The following ARHGEF26 variants were observed in gnomAD, a reference collection of about 807,000 sequenced individuals.
ARHGEF26 encodes Rho guanine nucleotide exchange factor (GEF) 26.
Under a neutral mutation model 89.4 loss-of-function variants are expected in ARHGEF26, and 59 were observed. That is an observed-to-expected ratio of 0.66 (90% CI 0.54 to 0.82). The LOEUF (loss-of-function observed/expected upper bound fraction) is 0.82. Ranked by LOEUF, ARHGEF26 falls within the 40% of genes least tolerant of loss-of-function variation. The pLI is 0.00. For synonymous variants in ARHGEF26, 500 were observed against 428.4 expected (o/e 1.17, Z -2.06); for missense variants, 1,234 against 1,085.6 (o/e 1.14, Z -1.92).
At chr3:154,227,081 C>G (rs1284129317) in intron 11 of ARHGEF26, among the ~76,000 whole-genome samples, 1 of 151,956 alleles carries the variant, frequency 6.6e-6, no homozygotes, top group East Asian at 1.9e-4. Flanking sequence ...TTAATCAGAC[C>G]ATATTATGAA....
intron 11 of ARHGEF26, among the ~76,000 whole-genome samples, chr3:154,239,293 A>G (rs538786305): frequency 1.7e-5 from 1 of 58,974 alleles, no homozygotes; most frequent in East Asian, 4.4e-4. Flanking sequence ...AGAGAGAGAG[A>G]GAGAGAGTGT....
At chr3:154,225,700 C>CT in intron 10 of ARHGEF26, 156 bp from the exon 11 acceptor site, 1 of 656,066 alleles carries the variant, frequency 1.5e-6, no homozygotes, top group Non-Finnish European at 2.3e-6. Flanking sequence ...ATGCACTGTA[C>CT]TTCTGTATTT....
At chr3:154,193,799 C>A (rs908144544) in intron 8 of ARHGEF26, among the ~76,000 whole-genome samples, 9 of 151,974 alleles carry the variant, frequency 5.9e-5, no homozygotes, top group African/African-American at 2.2e-4. Context: ...AATATATCAA[C>A]AGAAAACCTA....
intron 6 of ARHGEF26, among the ~76,000 whole-genome samples, chr3:154,186,170 T>C (rs199862077): frequency 1.3e-3 from 76 of 59,958 alleles, no homozygotes; most frequent in Middle Eastern, 0.01. Flanking sequence ...CACACACCCC[T>C]ATACACATAC....
rs147348013 is a variant in ARHGEF26, at chr3:154,232,951, C to T, written c.2090+6941C>T. ...CAAGCGATTCTCCTGCCTCAGCCTC[C>T]GGAGTAGCTGGGACTACAGGTGCTT... On this transcript the variant is annotated intron_variant, in intron 11 of 14. Transcript: ENST00000465093. 4.1e-3 allele frequency among the ~76,000 whole-genome samples: 616 copies of T among 152,066 alleles called. 3 individuals are homozygous for T. The highest frequency in any genetic ancestry group is 0.014 in the African/African-American group (579 of 41,470).
chr3:154,224,302 A>G (rs116639973), intron 10 of ARHGEF26, among the ~76,000 whole-genome samples: 3,323 of 152,346 alleles, frequency 0.022, 74 homozygotes, highest in South Asian at 0.069. Flanking sequence ...AGAAGCATAG[A>G]TGTATTGAAA....
chr3:154,143,067 C>T (rs1057000823), intron 4 of ARHGEF26, among the ~76,000 whole-genome samples: 2 of 152,102 alleles, frequency 1.3e-5, no homozygotes, highest in African/African-American at 4.8e-5. Context: ...CTGCCCTACT[C>T]GTTTTGTTTC....
At chr3:154,191,926 C>A (rs1713981592) in intron 8 of ARHGEF26, among the ~76,000 whole-genome samples, 1 of 152,308 alleles carries the variant, frequency 6.6e-6, no homozygotes, top group Non-Finnish European at 1.5e-5. Flanking sequence ...GAGGAAAGCC[C>A]AGCTTCCTTC....
At chr3:154,218,480 A>G (rs1166186254) in intron 10 of ARHGEF26, among the ~76,000 whole-genome samples, 1 of 152,216 alleles carries the variant, frequency 6.6e-6, no homozygotes, top group Non-Finnish European at 1.5e-5. Flanking sequence ...TGAGCAGATG[A>G]CAAGATGAAC....
At chr3:154,243,625 T>C (rs545419673) in intron 12 of ARHGEF26, among the ~76,000 whole-genome samples, 1 of 152,320 alleles carries the variant, frequency 6.6e-6, no homozygotes, top group South Asian at 2.1e-4. Flanking sequence ...TGGAAACCCA[T>C]AGGTCTGACT....
intron 4 of ARHGEF26, among the ~76,000 whole-genome samples, chr3:154,137,642 A>T (rs909991517): frequency 2.0e-5 from 3 of 152,064 alleles, no homozygotes; most frequent in African/African-American, 7.2e-5. Flanking sequence ...AACTTGACTT[A>T]TGTAAGCAAT....
chr3:154,144,972 G>T (rs929258125), intron 4 of ARHGEF26, among the ~76,000 whole-genome samples: 1 of 152,062 alleles, frequency 6.6e-6, no homozygotes, highest in South Asian at 2.1e-4. Flanking sequence ...CTCTCTCTCT[G>T]TTTACCCACC....
rs141529503 is a variant in ARHGEF26 at position 154,136,502 on chromosome 3, TA to T, written c.1269+6784del. The stretch of plus-strand genomic sequence containing the variant: ...AAGATTTGAAAAGCAGGAATTTTAT[TA>T]TAAATATCATTTCATTCCATTGAAA... On this transcript the variant is annotated intron_variant, in intron 4 of 14. Transcript: ENST00000465093. Among the ~76,000 whole-genome samples, 118 of 152,248 alleles carry T rather than the reference TA, an allele frequency of 7.8e-4. 1 individual carries two copies. The highest frequency in any genetic ancestry group is 2.7e-3 in the African/African-American group (111 of 41,564).
intron 6 of ARHGEF26, among the ~76,000 whole-genome samples, chr3:154,175,992 G>T (rs541197015): frequency 1.3e-5 from 2 of 152,324 alleles, no homozygotes; most frequent in Non-Finnish European, 2.9e-5. Flanking sequence ...AGGGCATTTT[G>T]GGGCTCTGAC....
In ARHGEF26 at chr3:154,207,636, A is replaced by G. The variant is rs112509738; in HGVS notation, c.1846-10233A>G. Among the ~76,000 whole-genome samples, 251 of 152,360 alleles carry G rather than the reference A, an allele frequency of 1.6e-3. 1 individual carries two copies. The highest frequency in any genetic ancestry group is 5.4e-3 in the African/African-American group (226 of 41,596). On this transcript the variant is annotated intron_variant, in intron 9 of 14. Transcript: ENST00000465093. The stretch of plus-strand genomic sequence containing the variant: ...GTTGTGGAGAAAAAGGAATGCTTTT[A>G]CACTATTGGTGGGAGTGTATATTAG...
intron 6 of ARHGEF26, among the ~76,000 whole-genome samples, chr3:154,155,392 G>T (rs141637474): frequency 2.0e-5 from 3 of 152,106 alleles, no homozygotes; most frequent in Admixed American, 2.0e-4. Flanking sequence ...TAACATGTAA[G>T]ATTGGCTTAG....
rs1718487763 is a variant in ARHGEF26, at chr3:154,256,118, TCCATCTCAC to T, written c.*648_*656del. On this transcript the variant is annotated 3_prime_UTR_variant, in exon 15 of 15. Transcript: ENST00000465093. ...TTACTTTAGGATTTTTAAAAAAAAATCCATCTCACCCCATATTGTTCTTAAATAAGTATA... is the reference window on the plus strand; with the variant it reads ...TTACTTTAGGATTTTTAAAAAAAAATCCCATATTGTTCTTAAATAAGTATA... The T allele has an allele frequency of 1.0e-6, 1 of 985,200 alleles. No individual in the cohort carries two copies. Among genetic ancestry groups the T allele is most frequent in the African/African-American group, 1.7e-5 (1 of 57,186 alleles). The allele number at this position is 985,200 out of a possible 1,614,324, so 61.0% of individuals were successfully genotyped here.
At chr3:154,157,694 C>G (rs1711499367) in intron 6 of ARHGEF26, among the ~76,000 whole-genome samples, 1 of 151,946 alleles carries the variant, frequency 6.6e-6, no homozygotes, top group South Asian at 2.1e-4. Context: ...GCGGGGTCCT[C>G]CTAGGTTTGC....
intron 6 of ARHGEF26, among the ~76,000 whole-genome samples, chr3:154,160,029 A>G (rs1015938278): frequency 6.6e-5 from 10 of 152,124 alleles, no homozygotes; most frequent in African/African-American, 2.4e-4. Flanking sequence ...CCATTACCTT[A>G]TTTTCCTGAA....
Sources: gnomAD v4.1 joint callset for allele counts (sites outside exome capture counted in the v4.1 genomes callset) on GRCh38, gnomAD v4.1.1 for gene constraint, MANE v1.5 for transcripts, NCBI Gene and HGNC (gene_info 2026-07-23, HGNC 2026-07-21) for gene names.